Variants in ARHGAP44 observed in about 807,000 individuals in gnomAD.
ARHGAP44 encodes the protein rho GTPase-activating protein 44.
In ARHGAP44, 43 loss-of-function variants were observed where a neutral mutation model predicts 106.8. The ratio of observed to expected loss-of-function variants is 0.40; its 90% CI spans 0.32 to 0.52. The LOEUF is 0.52. Ranked by LOEUF, ARHGAP44 falls within the 20% of genes least tolerant of loss-of-function variation. The pLI is 0.48. For missense variants in ARHGAP44, 866 were observed against 1,050.5 expected, an observed-to-expected ratio of 0.82 and a Z score of 2.43; for synonymous variants, 439 against 410.3, an observed-to-expected ratio of 1.07 and a Z score of -0.85.
chr17:12,953,544 G>T (rs947457375), intron 13 of ARHGAP44, among the ~76,000 whole-genome samples: 8 of 152,182 alleles, frequency 5.3e-5, no homozygotes, highest in African/African-American at 1.9e-4. Flanking sequence ...TAAAAGAATC[G>T]AAAGCAGGGA....
At chr17:12,930,104 G>A (rs1447330288) in intron 7 of ARHGAP44, among the ~76,000 whole-genome samples, 1 of 152,212 alleles carries the variant, frequency 6.6e-6, no homozygotes, top group Non-Finnish European at 1.5e-5. Flanking sequence ...TTTTGTGAGT[G>A]CAGCTGATTT....
chr17:12,919,709 T>C (rs1438221029), intron 5 of ARHGAP44, 46 bp from the exon 6 acceptor site: 1 of 1,548,314 alleles, frequency 6.5e-7, no homozygotes, highest in Middle Eastern at 1.7e-4. Flanking sequence ...AAAGAATTTA[T>C]CTTGAGCTTC....
At chr17:12,902,551 G>C (rs2037404470) in intron 3 of ARHGAP44, among the ~76,000 whole-genome samples, 3 of 152,188 alleles carry the variant, frequency 2.0e-5, no homozygotes. Context: ...CTAAAAAAGA[G>C]CCTGCCCCAG....
intron 3 of ARHGAP44, among the ~76,000 whole-genome samples, chr17:12,900,614 A>G (rs560022610): frequency 6.6e-6 from 1 of 152,334 alleles, no homozygotes; most frequent in Admixed American, 6.5e-5. Flanking sequence ...TTAGAAAGCA[A>G]CAAGTCTGCC....
At chr17:12,791,630 T>A (rs2033761514) in intron 1 of ARHGAP44, among the ~76,000 whole-genome samples, 1 of 152,224 alleles carries the variant, frequency 6.6e-6, no homozygotes, top group Non-Finnish European at 1.5e-5. Context: ...GGGGGAGATT[T>A]TTGCGCCATG....
intron 1 of ARHGAP44, among the ~76,000 whole-genome samples, chr17:12,832,368 G>T (rs2035115938): frequency 6.6e-6 from 1 of 152,140 alleles, no homozygotes; most frequent in African/African-American, 2.4e-5. Context: ...GGTGCCAGCT[G>T]ATCCACTGAG....
chr17:12,808,787 G>T (rs1015725344), intron 1 of ARHGAP44, among the ~76,000 whole-genome samples: 1 of 152,142 alleles, frequency 6.6e-6, no homozygotes, highest in Non-Finnish European at 1.5e-5. Context: ...GCTAATTTCT[G>T]CAGGCAGCTT....
intron 1 of ARHGAP44, among the ~76,000 whole-genome samples, chr17:12,852,611 G>A (rs1399358476): frequency 6.7e-6 from 1 of 149,224 alleles, no homozygotes; most frequent in South Asian, 2.1e-4. Context: ...GTGCAATCTC[G>A]GCTCACTGCA....
Position 12,929,034 on chromosome 17 carries a change from G to C in ARHGAP44, c.570G>C (p.Val190=). Residue 190 remains valine (V), a synonymous_variant, in exon 7 of 21, where the codon GTG becomes GTC. Coordinates refer to ENST00000379672, the MANE Select transcript of ARHGAP44 (RefSeq NM_014859.6). ...REEMEEAANR[V]EICRDQLSAD... ...AAATGGAAGAGGCTGCCAACAGAGTGGAGATTTGCAGGGTACCTGCCCTCT... is the reference window on the plus strand; with the variant it reads ...AAATGGAAGAGGCTGCCAACAGAGTCGAGATTTGCAGGGTACCTGCCCTCT... 1 of 1,612,140 alleles carries C rather than the reference G, an allele frequency of 6.2e-7. No individual in the cohort carries two copies. Among genetic ancestry groups the C allele is most frequent in the South Asian group, 1.1e-5 (1 of 90,502 alleles).
At chr17:12,931,586 T>C (rs2038401281) in intron 7 of ARHGAP44, among the ~76,000 whole-genome samples, 1 of 151,710 alleles carries the variant, frequency 6.6e-6, no homozygotes, top group South Asian at 2.1e-4. Flanking sequence ...AAGCTCCGCC[T>C]CCCGGGTTCA....
intron 6 of ARHGAP44, among the ~76,000 whole-genome samples, chr17:12,924,784 G>T (rs1331487812): frequency 6.6e-6 from 1 of 152,192 alleles, no homozygotes; most frequent in East Asian, 1.9e-4. Context: ...GCAGCCATCT[G>T]CAAGTCACAG....
At chr17:12,943,452 A>T in intron 8 of ARHGAP44, 136 bp from the exon 9 acceptor site, 1 of 701,584 alleles carries the variant, frequency 1.4e-6, no homozygotes, top group African/African-American at 1.8e-5. Context: ...TCGTTATTTT[A>T]GGTAGATTGG....
intron 3 of ARHGAP44, among the ~76,000 whole-genome samples, chr17:12,901,081 G>A (rs560869104): frequency 1.5e-4 from 23 of 151,910 alleles, no homozygotes; most frequent in African/African-American, 5.3e-4. Flanking sequence ...CTGCCACCAT[G>A]CCCAGCTAAC....
At chr17:12,808,953 A>T (rs1211909123) in intron 1 of ARHGAP44, among the ~76,000 whole-genome samples, 1 of 152,218 alleles carries the variant, frequency 6.6e-6, no homozygotes, top group Non-Finnish European at 1.5e-5. Flanking sequence ...AACAGCACCC[A>T]GGTTACCTCT....
intron 18 of ARHGAP44, among the ~76,000 whole-genome samples, chr17:12,975,965 A>G (rs79944570): frequency 0.018 from 2,780 of 152,138 alleles, 68 homozygotes; most frequent in African/African-American, 0.063. Flanking sequence ...GGGCATGATC[A>G]GGGGAGGCAG....
At chr17:12,817,980 G>A (rs2034646695) in intron 1 of ARHGAP44, among the ~76,000 whole-genome samples, 1 of 151,974 alleles carries the variant, frequency 6.6e-6, no homozygotes. Context: ...CAGAAGGAGA[G>A]AGAACACTTC....
intron 1 of ARHGAP44, among the ~76,000 whole-genome samples, chr17:12,833,857 A>C (rs1427007094): frequency 6.6e-6 from 1 of 152,174 alleles, no homozygotes; most frequent in African/African-American, 2.4e-5. Context: ...CAATAGGAAA[A>C]AATGTCTGGG....
chr17:12,809,124 C>T lies in ARHGAP44; in HGVS notation c.53+19233C>T, dbSNP rs116155850. Among the ~76,000 whole-genome samples the T allele has an allele frequency of 1.4e-3, 209 of 152,304 alleles. 1 individual carries two copies. Among genetic ancestry groups the T allele is most frequent in the African/African-American group, 4.8e-3 (199 of 41,578 alleles). ...TTATTCCAGTTCCCAACAGGTTCTT[C>T]ATCTCCATCTGAGATGAACAGCATT... is the stretch of plus-strand genomic sequence containing the variant. On this transcript the variant is annotated intron_variant, in intron 1 of 20. Transcript: ENST00000379672.
At chr17:12,803,844 G>T (rs1225204227) in intron 1 of ARHGAP44, among the ~76,000 whole-genome samples, 1 of 151,926 alleles carries the variant, frequency 6.6e-6, no homozygotes, top group African/African-American at 2.4e-5. Context: ...TGGAAATACT[G>T]CATACTATAA....
Sources: gnomAD v4.1 joint callset for allele counts (sites outside exome capture counted in the v4.1 genomes callset) on GRCh38, gnomAD v4.1.1 for gene constraint, MANE v1.5 for transcripts, NCBI Gene and HGNC (gene_info 2026-07-23, HGNC 2026-07-21) for gene names.